TPD52: variants seen among roughly 807,000 people sequenced by gnomAD.
TPD52 encodes tumor protein D52.
Under a neutral mutation model 31.3 loss-of-function variants are expected in TPD52, and 17 were observed. The observed-to-expected ratio is 0.54, with a 90% CI of 0.37 to 0.82. TPD52 has a LOEUF of 0.82. TPD52 is among the 40% of genes least tolerant of loss of function. The pLI, the probability that TPD52 is intolerant of heterozygous loss-of-function variation, is 0.00. For synonymous variants in TPD52, 83 were observed against 89.6 expected, an observed-to-expected ratio of 0.93 and a Z score of 0.42; for missense variants, 212 against 240.1, an observed-to-expected ratio of 0.88 and a Z score of 0.77.
At chr8:80,094,303 G>T (rs1816517303) in intron 1 of TPD52, among the ~76,000 whole-genome samples, 1 of 150,734 alleles carries the variant, frequency 6.6e-6, no homozygotes, top group Non-Finnish European at 1.5e-5. Context: ...ACTTAATATG[G>T]CCAGGAATGC....
At chr8:80,034,284 C>G (rs1356242786), downstream of TPD52, among the ~76,000 whole-genome samples, 1 of 152,130 alleles carries the variant, frequency 6.6e-6, no homozygotes, top group East Asian at 1.9e-4. Flanking sequence ...CACACAGATG[C>G]CTGGATCTGG....
intron 1 of TPD52, among the ~76,000 whole-genome samples, chr8:80,114,392 T>G (rs1438498500): frequency 6.6e-6 from 1 of 152,222 alleles, no homozygotes; most frequent in Non-Finnish European, 1.5e-5. Context: ...ATTGACTGCC[T>G]CCTCAACTAA....
At chr8:80,151,380 G>T (rs1218507006) in intron 1 of TPD52, among the ~76,000 whole-genome samples, 2 of 152,148 alleles carry the variant, frequency 1.3e-5, no homozygotes, top group Non-Finnish European at 2.9e-5. Flanking sequence ...CCTCTAAAAA[G>T]AATAGGCTTA....
rs968984653 is a variant in TPD52, at chr8:80,160,917, C to T, written c.19+10508G>A. 3.0e-5 allele frequency among the ~76,000 whole-genome samples: 4 copies of T among 131,542 alleles called. No homozygotes were observed. The East Asian group carries it at 6.1e-4, about 20-fold the overall frequency. The allele number at this position is 131,542 out of a possible 152,430, so 86.3% of individuals were successfully genotyped here. A position where few individuals can be genotyped will look rare whatever the true frequency, so the allele number is the denominator to read the frequency against. On this transcript the variant is annotated intron_variant, in intron 1 of 7. Transcript: ENST00000518937. ...AAAAAAAAAAAAAAAAAAAAAATAG[C>T]CCGGCATGGTGGCACATGCCTGTAG...
chr8:80,106,175 C>T (rs1405878053), intron 1 of TPD52, among the ~76,000 whole-genome samples: 1 of 152,022 alleles, frequency 6.6e-6, no homozygotes, highest in East Asian at 1.9e-4. Context: ...TACAGGCATG[C>T]AATGCATAAT....
At chr8:80,135,449 G>A (rs1484675313) in intron 1 of TPD52, among the ~76,000 whole-genome samples, 3 of 152,044 alleles carry the variant, frequency 2.0e-5, no homozygotes, top group Non-Finnish European at 2.9e-5. Context: ...GAGAGTTAGA[G>A]CTCTGACAAA....
intron 1 of TPD52, among the ~76,000 whole-genome samples, chr8:80,135,145 A>C (rs1215344471): frequency 3.9e-5 from 6 of 152,210 alleles, no homozygotes; most frequent in Non-Finnish European, 8.8e-5. Flanking sequence ...TTCCAACCAC[A>C]AGACCCAGTG....
chr8:80,096,963 G>A (rs1397976949), intron 1 of TPD52, among the ~76,000 whole-genome samples: 1 of 152,196 alleles, frequency 6.6e-6, no homozygotes, highest in Non-Finnish European at 1.5e-5. Context: ...AATAGTCTCT[G>A]TAGGCCAAAA....
intron 2 of TPD52, among the ~76,000 whole-genome samples, chr8:80,061,924 G>A (rs532133571): frequency 6.6e-6 from 1 of 152,186 alleles, no homozygotes; most frequent in African/African-American, 2.4e-5. Flanking sequence ...AGTAAAATAA[G>A]AACTAAATAA....
chr8:80,081,727 T>A (rs554821790), intron 1 of TPD52, among the ~76,000 whole-genome samples: 261 of 152,190 alleles, frequency 1.7e-3, no homozygotes, highest in Non-Finnish European at 3.2e-3. Context: ...TTTTTTTTTT[T>A]AAATACAGAA....
chr8:80,055,856 T>TTA (rs1811819240), intron 2 of TPD52, among the ~76,000 whole-genome samples: 1 of 152,132 alleles, frequency 6.6e-6, no homozygotes, highest in South Asian at 2.1e-4. Flanking sequence ...ACACCTGTTA[T>TTA]TATGCCTGTT....
intron 1 of TPD52, among the ~76,000 whole-genome samples, chr8:80,082,249 T>C (rs894352969): frequency 6.6e-6 from 1 of 152,184 alleles, no homozygotes; most frequent in Non-Finnish European, 1.5e-5. Flanking sequence ...GTTTCTTTTT[T>C]ATCATTATCT....
chr8:80,042,605 C>A lies in TPD52; in HGVS notation c.504+15G>T. On this transcript the variant is annotated intron_variant, in intron 7 of 7. Coordinates refer to ENST00000518937, the MANE Select transcript of TPD52 (RefSeq NM_001025253.3). ...GGCAATGTATCAAAAAGACCCTGTT[C>A]ATCTCTCTACTTGCCTTTAAGTTTT... 1 of 1,605,404 alleles carries A rather than the reference C, an allele frequency of 6.2e-7. No homozygotes were observed. The highest frequency in any genetic ancestry group is 1.1e-5 in the South Asian group (1 of 88,764).
intron 5 of TPD52, among the ~76,000 whole-genome samples, chr8:80,049,513 T>C (rs1811165110): frequency 6.6e-6 from 1 of 152,148 alleles, no homozygotes; most frequent in African/African-American, 2.4e-5. Context: ...GTCACCAAGA[T>C]AGGAGCTTTA....
chr8:80,054,241 GTA>G lies in TPD52; in HGVS notation c.136-813_136-812del, dbSNP rs1002517876. 3.9e-5 allele frequency among the ~76,000 whole-genome samples: 6 copies of G among 152,180 alleles called. No homozygotes were observed. The South Asian group carries it at 6.2e-4, about 16-fold the overall frequency. On this transcript the variant is annotated intron_variant, in intron 2 of 7. Transcript: ENST00000518937. ...TGAAAAAACTTGAAGAAGCCTTGAG[GTA>G]TAGGTAGGCTACAGTGAGATTATGA...
intron 1 of TPD52, among the ~76,000 whole-genome samples, chr8:80,137,734 G>T (rs867053123): frequency 2.0e-5 from 3 of 152,130 alleles, no homozygotes; most frequent in Non-Finnish European, 4.4e-5. Context: ...AGTTTATAAC[G>T]GTGCTAGTTC....
chr8:80,093,378 G>T (rs1418900792), intron 1 of TPD52, among the ~76,000 whole-genome samples: 2 of 152,112 alleles, frequency 1.3e-5, no homozygotes, highest in Non-Finnish European at 2.9e-5. Flanking sequence ...CTCTACAGGG[G>T]TGCATAAACA....
Position 80,135,309 on chromosome 8 carries a change from G to C in TPD52, c.19+36116C>G, listed in dbSNP as rs533466921. 2.6e-5 allele frequency among the ~76,000 whole-genome samples: 4 copies of C among 152,096 alleles called. No homozygotes were observed. In the South Asian group the frequency reaches 8.3e-4, roughly 32 times the overall value. ...TTGATAGAGAAAAGTGGTCACACAG[G>C]GAGTTTCATTTTCACCTCCCACTTC... is the stretch of plus-strand genomic sequence containing the variant. On this transcript the variant is annotated intron_variant, in intron 1 of 7. Transcript: ENST00000518937.
At chr8:80,105,590 C>A (rs963979747) in intron 1 of TPD52, among the ~76,000 whole-genome samples, 2 of 152,078 alleles carry the variant, frequency 1.3e-5, no homozygotes, top group South Asian at 2.1e-4. Context: ...ATGCTCTCAG[C>A]CGAATAAAGC....
Sources: allele counts gnomAD v4.1 joint callset (sites outside exome capture counted in the v4.1 genomes callset), GRCh38; gene constraint gnomAD v4.1.1; transcripts MANE v1.5; gene names NCBI Gene and HGNC (gene_info 2026-07-23, HGNC 2026-07-21).